NCAM2: variants seen among roughly 807,000 people sequenced by gnomAD.
NCAM2 encodes neural cell adhesion molecule 2, also known as N-CAM-2.
Under a neutral mutation model 98.1 loss-of-function variants are expected in NCAM2, and 30 were observed. That is an observed-to-expected ratio of 0.31 (90% CI 0.23 to 0.41). The LOEUF (loss-of-function observed/expected upper bound fraction) is 0.41. NCAM2 is among the 10% of genes least tolerant of loss of function. The probability of loss-of-function intolerance (pLI) is 1.00; values close to 1 mark genes in which losing one functional copy is unlikely to be tolerated. For synonymous variants in NCAM2, 368 were observed against 342.4 expected, an observed-to-expected ratio of 1.07 and a Z score of -0.83; for missense variants, 867 against 1,005.8, an observed-to-expected ratio of 0.86 and a Z score of 1.87.
At chr21:21,496,026 A>AAT (rs946458928) in intron 15 of NCAM2, among the ~76,000 whole-genome samples, 152 of 148,492 alleles carry the variant, frequency 1.0e-3, no homozygotes, top group Middle Eastern at 3.6e-3. Context: ...TAATATATAA[A>AAT]ATATATATAT....
At chr21:21,132,916 T>C (rs1351748695) in intron 1 of NCAM2, among the ~76,000 whole-genome samples, 1 of 152,214 alleles carries the variant, frequency 6.6e-6, no homozygotes, top group African/African-American at 2.4e-5. Context: ...ACATAACCAC[T>C]TTTCTATCTT....
chr21:21,345,512 T>C (rs542776480), intron 8 of NCAM2, among the ~76,000 whole-genome samples: 2 of 152,014 alleles, frequency 1.3e-5, no homozygotes, highest in African/African-American at 4.8e-5. Context: ...AGTCCTTTAA[T>C]AGCAGAATTG....
chr21:21,214,928 C>CT (rs897201401), intron 1 of NCAM2, among the ~76,000 whole-genome samples: 3 of 151,394 alleles, frequency 2.0e-5, no homozygotes, highest in African/African-American at 7.3e-5. Context: ...GGCTTAAACT[C>CT]TGATATAATT....
chr21:21,147,160 C>A, intron 1 of NCAM2: 1 of 961,520 alleles, frequency 1.0e-6, no homozygotes, highest in Non-Finnish European at 1.2e-6. Flanking sequence ...GCGCCCTGTC[C>A]CACACCGGAG....
chr21:21,393,954 A>T (rs1447790383), intron 9 of NCAM2, among the ~76,000 whole-genome samples: 1 of 152,150 alleles, frequency 6.6e-6, no homozygotes, highest in Non-Finnish European at 1.5e-5. Flanking sequence ...CACCTTACTT[A>T]TCAAATTTTT....
At chr21:21,071,771 A>G (rs1295046356) in intron 1 of NCAM2, among the ~76,000 whole-genome samples, 1 of 152,138 alleles carries the variant, frequency 6.6e-6, no homozygotes, top group Admixed American at 6.6e-5. Context: ...TAATAAGCAA[A>G]TGTTTAAATA....
At chr21:21,199,192 G>A (rs1356106915) in intron 1 of NCAM2, among the ~76,000 whole-genome samples, 2 of 151,868 alleles carry the variant, frequency 1.3e-5, no homozygotes, top group Admixed American at 6.6e-5. Context: ...ATATTTTTTT[G>A]GATTCAGGTT....
chr21:21,483,186 A>G (rs555544327), intron 15 of NCAM2, among the ~76,000 whole-genome samples: 2 of 152,050 alleles, frequency 1.3e-5, no homozygotes, highest in Non-Finnish European at 2.9e-5. Context: ...AGTATCTTTC[A>G]GTAACTGCTT....
intron 16 of NCAM2, among the ~76,000 whole-genome samples, chr21:21,510,035 C>T (rs902833407): frequency 1.3e-5 from 2 of 152,124 alleles, no homozygotes; most frequent in Non-Finnish European, 2.9e-5. Flanking sequence ...AAGCAAACAA[C>T]TAGTTGGGTT....
intron 14 of NCAM2, among the ~76,000 whole-genome samples, chr21:21,476,861 C>T (rs1985234699): frequency 6.6e-6 from 1 of 151,910 alleles, no homozygotes; most frequent in Non-Finnish European, 1.5e-5. Flanking sequence ...CTTTATCTTT[C>T]TTCCCCCCAA....
At chr21:21,183,145 A>G (rs888454572) in intron 1 of NCAM2, among the ~76,000 whole-genome samples, 1 of 152,144 alleles carries the variant, frequency 6.6e-6, no homozygotes, top group Non-Finnish European at 1.5e-5. Flanking sequence ...AATGTTATAT[A>G]AATTACTTTT....
chr21:21,070,022 G>A (rs1458232898), intron 1 of NCAM2, among the ~76,000 whole-genome samples: 1 of 152,188 alleles, frequency 6.6e-6, no homozygotes, highest in Non-Finnish European at 1.5e-5. Flanking sequence ...GCATGTGTAT[G>A]CATGCACGCT....
intron 1 of NCAM2, among the ~76,000 whole-genome samples, chr21:21,261,770 AAATTTACAACCTAACATT>A: frequency 6.6e-6 from 1 of 152,164 alleles, no homozygotes; most frequent in Admixed American, 6.6e-5. Context: ...GAAAGATCTC[AAATTTACAACCTAACATT>A]GCACCTTAAG....
chr21:21,325,653 C>G (rs966896276), intron 6 of NCAM2, among the ~76,000 whole-genome samples: 2 of 152,084 alleles, frequency 1.3e-5, no homozygotes, highest in Admixed American at 6.5e-5. Flanking sequence ...CATATCAGAC[C>G]TAATTGTATC....
chr21:21,023,772 G>A (rs2064484988), intron 1 of NCAM2, among the ~76,000 whole-genome samples: 2 of 151,932 alleles, frequency 1.3e-5, no homozygotes, highest in African/African-American at 4.8e-5. Flanking sequence ...GGATATATTT[G>A]TCACAAAGAA....
At chr21:21,119,044 G>A (rs769202722) in intron 1 of NCAM2, among the ~76,000 whole-genome samples, 12 of 151,902 alleles carry the variant, frequency 7.9e-5, no homozygotes, top group Admixed American at 4.6e-4. Context: ...TCTGTTTTAC[G>A]TTTTATTTTG....
intron 1 of NCAM2, among the ~76,000 whole-genome samples, chr21:21,145,374 T>A (rs2067250175): frequency 8.1e-6 from 1 of 123,652 alleles, no homozygotes; most frequent in Middle Eastern, 3.6e-3. Context: ...ATTGAATAGC[T>A]AATTTGAAAT....
intron 3 of NCAM2, among the ~76,000 whole-genome samples, 180 bp from the exon 4 acceptor site, chr21:21,286,089 C>T (rs2073087433): frequency 6.6e-6 from 1 of 151,758 alleles, no homozygotes; most frequent in Admixed American, 6.6e-5. Flanking sequence ...ATTTTATTCT[C>T]AGTGAGATAG....
At chr21:21,489,280 C>T (rs1005293544) in intron 15 of NCAM2, among the ~76,000 whole-genome samples, 2 of 152,198 alleles carry the variant, frequency 1.3e-5, no homozygotes, top group African/African-American at 4.8e-5. Flanking sequence ...CAGGCGTGAG[C>T]CATGGTGCCC....
Sources: allele counts gnomAD v4.1 joint callset (sites outside exome capture counted in the v4.1 genomes callset), GRCh38; gene constraint gnomAD v4.1.1; transcripts MANE v1.5; gene names NCBI Gene and HGNC (gene_info 2026-07-23, HGNC 2026-07-21).